CROCC2: variants seen among roughly 807,000 people sequenced by gnomAD.
The protein encoded by CROCC2 is ciliary rootlet coiled-coil protein 2.
A neutral mutation model predicts 177.6 loss-of-function variants in CROCC2; 163 were observed. The observed-to-expected ratio is 0.92, with a 90% confidence interval of 0.81 to 1.05. The LOEUF (loss-of-function observed/expected upper bound fraction) is 1.05. Among genes scored for constraint, CROCC2 ranks in the 50% least tolerant of loss-of-function variants. The pLI, the probability that CROCC2 is intolerant of heterozygous loss-of-function variation, is 0.00. For missense variants in CROCC2, 1,929 were observed against 1,797.8 expected, an observed-to-expected ratio of 1.07 and a Z score of -1.32; for synonymous variants, 904 against 787.3, an observed-to-expected ratio of 1.15 and a Z score of -2.48.
intron 14 of CROCC2, among the ~76,000 whole-genome samples, chr2:240,940,480 T>C (rs1274253585): frequency 6.6e-6 from 1 of 152,222 alleles, no homozygotes; most frequent in Non-Finnish European, 1.5e-5. Flanking sequence ...TGTCTGCTTA[T>C]TTAAAGTGTG....
intron 20 of CROCC2, among the ~76,000 whole-genome samples, chr2:240,962,725 G>T (rs1173902513): frequency 6.6e-6 from 1 of 152,228 alleles, no homozygotes; most frequent in Non-Finnish European, 1.5e-5. Context: ...ACGAGAGCCG[G>T]AATGGAGCCT....
chr2:240,992,163 C>T (rs759167062), intron 31 of CROCC2, among the ~76,000 whole-genome samples: 16 of 152,236 alleles, frequency 1.1e-4, no homozygotes, highest in Admixed American at 6.5e-4. Flanking sequence ...CTGCACCCCT[C>T]GTCTCCATCA....
chr2:240,919,897 CAG>C, intron 2 of CROCC2, 84 bp from the exon 3 acceptor site: 3 of 620,482 alleles, frequency 4.8e-6, no homozygotes, highest in East Asian at 2.9e-5. Flanking sequence ...GTGGCCAGCC[CAG>C]GGTCCCACCG....
At position 240,968,161 on chromosome 2, in the gene CROCC2, G is replaced by A. The variant is rs1424109462; in HGVS notation, c.4300G>A (p.Ala1434Thr). 31 of 1,523,740 alleles carry A rather than the reference G, an allele frequency of 2.0e-5. No homozygotes were observed. The highest frequency in any genetic ancestry group is 2.4e-5 in the South Asian group (2 of 83,058). 94.4% of individuals were successfully genotyped at this position (1,523,740 alleles called of 1,614,324 possible). A position where few individuals can be genotyped will look rare whatever the true frequency, so the allele number is the denominator to read the frequency against. ...CCGGGTGGAGGGCGCGCTGAGCAGCGCCCGGGCAGCACGTGCCCTGCAGAA... is the reference window on the plus strand; with the variant it reads ...CCGGGTGGAGGGCGCGCTGAGCAGCACCCGGGCAGCACGTGCCCTGCAGAA... ...QRRVEGALSS[A>T]RAARALQKEA... Residue 1434 changes from alanine (A) to threonine (T), a missense_variant, in exon 27 of 32, where the codon GCC becomes ACC. Transcript: ENST00000690015.
rs1375418591 is a variant in CROCC2 at position 240,972,932 on chromosome 2, T to C, written c.4401+4670T>C. Among the ~76,000 whole-genome samples the C allele has an allele frequency of 6.6e-6, 1 of 151,752 alleles. No homozygotes were observed. Among genetic ancestry groups the C allele is most frequent in the African/African-American group, 2.4e-5 (1 of 41,284 alleles). ...GCAAACCCAGGCAGAGAGCTCAGGG[T>C]TGAAATTTTCTAGCCAGCCAGGGGG... On this transcript the variant is annotated intron_variant, in intron 27 of 31. Transcript: ENST00000690015. This position sits in a 1 kb window ranked among gnomAD's most constrained non-coding sequence, Gnocchi z 7.1.
At chr2:240,944,006 G>C (rs781460388) in intron 14 of CROCC2, among the ~76,000 whole-genome samples, 7 of 152,174 alleles carry the variant, frequency 4.6e-5, no homozygotes, top group Admixed American at 3.3e-4. Context: ...CTTTAGATGG[G>C]AGGGTTGGTT....
Position 240,988,849 on chromosome 2 carries a change from G to A in CROCC2, c.4662G>A (p.Leu1554=), listed in dbSNP as rs1315985035. ...NSLHQEVDGA[L]RQNQQLQAQM... is the part of the protein sequence containing the mutation. ...TGCACCAGGAGGTGGACGGAGCCCT[G>A]AGGCAAAATCAGCAGCTGCAGGTCA... Residue 1554 remains leucine, a synonymous_variant, in exon 29 of 32, where the codon CTG becomes CTA. Coordinates refer to ENST00000690015, the MANE Select transcript of CROCC2 (RefSeq NM_001351305.2). 8.7e-6 allele frequency: 13 copies of A among 1,495,996 alleles called. No individual in the cohort carries two copies. The highest frequency in any genetic ancestry group is 1.1e-5 in the Non-Finnish European group (12 of 1,115,490). 92.7% of individuals were successfully genotyped at this position (1,495,996 alleles called of 1,614,324 possible). A position where few individuals can be genotyped will look rare whatever the true frequency, so the allele number is the denominator to read the frequency against.
rs117096703 is a variant in CROCC2 at position 240,958,583 on chromosome 2, C to G, written c.2944-718C>G. The G allele has an allele frequency of 1.1e-4, 111 of 985,244 alleles. 1 individual carries two copies. Among genetic ancestry groups the G allele is most frequent in the Admixed American group, 1.2e-4 (2 of 16,290 alleles). The allele number at this position is 985,244 out of a possible 1,614,324, so 61.0% of individuals were successfully genotyped here. ...GAGCCATCCCCCACCAGCCGCCCCC[C>G]GCCAGCCGCCTGCTGCTGCCTGGAG... is the stretch of plus-strand genomic sequence containing the variant. On this transcript the variant is annotated intron_variant, in intron 19 of 31. Coordinates refer to ENST00000690015, the MANE Select transcript of CROCC2 (RefSeq NM_001351305.2). The surrounding 1 kb of genome is among the most constrained non-coding windows in gnomAD (Gnocchi z 6.7).
intron 31 of CROCC2, 55 bp from the exon 32 acceptor site, chr2:240,993,011 C>A: frequency 1.4e-6 from 1 of 712,978 alleles, no homozygotes; most frequent in East Asian, 2.7e-5. Flanking sequence ...CAGCAGGAGC[C>A]CCCATGTGTC....
At chr2:240,906,713 C>T (rs1290811660) in intron 1 of CROCC2, 122 bp downstream of exon 1, 1 of 397,776 alleles carries the variant, frequency 2.5e-6, no homozygotes, top group East Asian at 3.6e-5. Flanking sequence ...GGGCACTTTC[C>T]ACTTGCTCAC....
Position 240,982,882 on chromosome 2 carries a change from G to C in CROCC2, c.4404G>C (p.Glu1468Asp). 1.3e-6 allele frequency: 2 copies of C among 1,547,672 alleles called. No individual in the cohort carries two copies. Among genetic ancestry groups the C allele is most frequent in the Non-Finnish European group, 1.7e-6 (2 of 1,145,654 alleles). Residue 1468 changes from glutamate (E) to aspartate (D), a missense_variant and splice_region_variant, in exon 28 of 32, where the codon GAG (glutamate) becomes GAC (aspartate). Glu to Asp is a conservative substitution (Grantham distance 45). Around this residue, in one of 3 missense-constraint regions of CROCC2, gnomAD observed 388 missense variants for 352.7 expected, o/e 1.10. Coordinates refer to ENST00000690015, the MANE Select transcript of CROCC2 (RefSeq NM_001351305.2). This position sits in a 1 kb window ranked among gnomAD's most constrained non-coding sequence, Gnocchi z 4.7. ...ACCCTGTGTCTCCTTCCCCCCAGGA[G>C]CAACTGGAAACGCTGCGCCAGGCTC... ...AAGQEKRRLQEQLETLRQALE... is the reference protein window; with the variant it reads ...AAGQEKRRLQDQLETLRQALE...
At chr2:240,970,869 G>A (rs1188919305) in intron 27 of CROCC2, among the ~76,000 whole-genome samples, 1 of 152,186 alleles carries the variant, frequency 6.6e-6, no homozygotes, top group Non-Finnish European at 1.5e-5. Flanking sequence ...TGAGAAGCCT[G>A]GCATGGTGTG....
chr2:240,983,589 G>A, intron 28 of CROCC2: 1 of 1,282,412 alleles, frequency 7.8e-7, no homozygotes, highest in East Asian at 5.9e-5. Context: ...GTAGGCGGCA[G>A]CGGTGGTCCT....
At chr2:240,910,603 G>A (rs2059281371) in intron 1 of CROCC2, among the ~76,000 whole-genome samples, 1 of 152,174 alleles carries the variant, frequency 6.6e-6, no homozygotes, top group African/African-American at 2.4e-5. Flanking sequence ...CCCAGTCCTG[G>A]GCACAGTGGG....
chr2:240,983,674 C>G, intron 28 of CROCC2: 1 of 1,241,178 alleles, frequency 8.1e-7, no homozygotes, highest in South Asian at 1.3e-5. Context: ...ACGCATGCTT[C>G]TGTGTCCTCA....
chr2:240,927,608 T>A (rs560537319), intron 5 of CROCC2, among the ~76,000 whole-genome samples: 2 of 152,334 alleles, frequency 1.3e-5, no homozygotes, highest in South Asian at 4.1e-4. Context: ...AGAGTTCTGT[T>A]TGATTCTTTC....
chr2:240,965,501 G>T lies in CROCC2; in HGVS notation c.3586G>T (p.Glu1196Ter), dbSNP rs544189485. The T allele has an allele frequency of 1.3e-6, 2 of 1,550,272 alleles. No individual in the cohort carries two copies. Among genetic ancestry groups the T allele is most frequent in the Admixed American group, 2.0e-5 (1 of 51,004 alleles). ...RQAAKAEAKHEGARKEVLGLQ... is the reference protein window; with the variant it reads ...RQAAKAEAKH Reference sequence around the variant, plus strand: ...GGCAGCCAAGGCAGAGGCCAAGCACGAGGGTGCCCGGAAGGAGGTGGGAGG... The same window carrying T: ...GGCAGCCAAGGCAGAGGCCAAGCACTAGGGTGCCCGGAAGGAGGTGGGAGG... The change falls in exon 23 of 32, where the codon GAG (glutamate) becomes TAG (stop). Residue 1196 changes from glutamate to a stop codon, truncating the protein, a stop_gained. Transcript: ENST00000690015. LOFTEE classifies it high-confidence loss of function.
intron 14 of CROCC2, among the ~76,000 whole-genome samples, chr2:240,943,684 T>G (rs551724721): frequency 2.6e-5 from 4 of 152,088 alleles, no homozygotes; most frequent in Non-Finnish European, 5.9e-5. Context: ...TTCGCCATGT[T>G]GGCCAGGTTG....
intron 14 of CROCC2, among the ~76,000 whole-genome samples, chr2:240,940,628 GT>G (rs34806647): frequency 0.38 from 57,151 of 151,922 alleles, 11,858 homozygotes; most frequent in East Asian, 0.48. Flanking sequence ...CAGAAAAAGC[GT>G]TTGACAAAAT....
Sources: gnomAD v4.1 joint callset for allele counts (sites outside exome capture counted in the v4.1 genomes callset) on GRCh38, gnomAD v4.1.1 for gene constraint, gnomAD v4.1.1 regional missense constraint, Gnocchi (gnomAD v3.1) non-coding constraint, MANE v1.5 for transcripts, NCBI Gene and HGNC (gene_info 2026-07-23, HGNC 2026-07-21) for gene names.